Variants in SPOP observed in about 807,000 individuals in gnomAD.
The protein encoded by SPOP is speckle type BTB/POZ protein.
Under a neutral mutation model 45.6 loss-of-function variants are expected in SPOP, and 11 were observed. The ratio of observed to expected loss-of-function variants is 0.24; its 90% confidence interval spans 0.15 to 0.40. The LOEUF (loss-of-function observed/expected upper bound fraction) is 0.40. Ranked by LOEUF, SPOP falls within the 10% of genes least tolerant of loss-of-function variation. The probability of loss-of-function intolerance (pLI) is 1.00; values close to 1 mark genes in which losing one functional copy is unlikely to be tolerated. For synonymous variants in SPOP, 166 were observed against 166.3 expected (o/e 1.00, Z 0.01); for missense variants, 152 against 465.6 (o/e 0.33, Z 6.20).
chr17:49,658,511 A>G lies in SPOP; in HGVS notation c.-67+19422T>C, dbSNP rs77887417. On this transcript the variant is annotated intron_variant, in intron 1 of 9. Coordinates refer to ENST00000504102, the MANE Select transcript of SPOP (RefSeq NM_001007228.2). ...CTAATGAGAAGTAATTCCTAACAAT[A>G]TGTCAAAGTGGACTGCAAGGAACTT... 3.2e-3 allele frequency among the ~76,000 whole-genome samples: 491 copies of G among 152,310 alleles called. 1 individual carries two copies. Among genetic ancestry groups the G allele is most frequent in the African/African-American group, 0.011 (471 of 41,578 alleles).
chr17:49,604,917 T>C (rs2143133891), intron 8 of SPOP, among the ~76,000 whole-genome samples: 1 of 152,346 alleles, frequency 6.6e-6, no homozygotes, highest in Non-Finnish European at 1.5e-5. Context: ...ATTGGAGAAA[T>C]GCTGTCTATC....
intron 1 of SPOP, among the ~76,000 whole-genome samples, chr17:49,665,886 A>C (rs537831346): frequency 6.6e-6 from 1 of 151,222 alleles, no homozygotes; most frequent in East Asian, 2.0e-4. Context: ...CAGGAGGCTG[A>C]GGCAGGAGAA....
chr17:49,655,561 A>G (rs939995737), intron 1 of SPOP, among the ~76,000 whole-genome samples: 4 of 152,164 alleles, frequency 2.6e-5, no homozygotes, highest in African/African-American at 9.6e-5. Context: ...GGAATGCATG[A>G]TGTAATTTTT....
intron 6 of SPOP, among the ~76,000 whole-genome samples, chr17:49,609,378 C>G (rs1451227274): frequency 6.6e-6 from 1 of 152,142 alleles, no homozygotes; most frequent in Non-Finnish European, 1.5e-5. Context: ...AGACTAAAGG[C>G]CCGGTGCTTT....
At chr17:49,604,077 T>C (rs1454395186) in intron 8 of SPOP, among the ~76,000 whole-genome samples, 3 of 152,222 alleles carry the variant, frequency 2.0e-5, no homozygotes, top group Non-Finnish European at 4.4e-5. Flanking sequence ...TTATGGAATC[T>C]AGAAGATGAG....
intron 1 of SPOP, among the ~76,000 whole-genome samples, chr17:49,664,334 A>T (rs1048442187): frequency 1.3e-5 from 2 of 152,226 alleles, no homozygotes; most frequent in Non-Finnish European, 2.9e-5. Context: ...GCAGATATGA[A>T]AATCTAGCTG....
intron 8 of SPOP, among the ~76,000 whole-genome samples, chr17:49,605,936 C>A (rs1475767451): frequency 1.3e-5 from 2 of 150,792 alleles, no homozygotes; most frequent in African/African-American, 4.9e-5. Flanking sequence ...TGCAGTGAGC[C>A]GAGATCGTGC....
rs60764900 is a variant in SPOP, at chr17:49,599,518, G to T, written c.*860C>A. The T allele has an allele frequency of 0.097, 13,106 of 135,762 alleles. 986 individuals carry two copies. The highest frequency in any genetic ancestry group is 0.26 in the African/African-American group (8,587 of 32,814). 8.4% of individuals were successfully genotyped at this position (135,762 alleles called of 1,614,324 possible). A position where few individuals can be genotyped will look rare whatever the true frequency, so the allele number is the denominator to read the frequency against. ...TTTTGTTTTGTGTGTTTTTTTTTTT[G>T]TTTGTTTTTTAGAAAAAGGGGTGGG... On this transcript the variant is annotated 3_prime_UTR_variant, in exon 10 of 10. Coordinates refer to ENST00000504102, the MANE Select transcript of SPOP (RefSeq NM_001007228.2).
At chr17:49,637,397 C>A (rs2072560874) in intron 1 of SPOP, among the ~76,000 whole-genome samples, 1 of 152,110 alleles carries the variant, frequency 6.6e-6, no homozygotes. Context: ...GTTAGCCAGG[C>A]TGGAGTGCAG....
At chr17:49,651,846 C>T (rs2072846423) in intron 1 of SPOP, among the ~76,000 whole-genome samples, 1 of 152,062 alleles carries the variant, frequency 6.6e-6, no homozygotes, top group Admixed American at 6.5e-5. Context: ...TGGTGAAACC[C>T]TGTCTCCACT....
intron 6 of SPOP, among the ~76,000 whole-genome samples, chr17:49,610,873 G>A (rs572261959): frequency 6.6e-6 from 1 of 152,292 alleles, no homozygotes; most frequent in South Asian, 2.1e-4. Flanking sequence ...ATTGAAAAGA[G>A]GGCTAACCCC....
intron 1 of SPOP, among the ~76,000 whole-genome samples, chr17:49,649,574 T>C (rs1346330044): frequency 6.6e-6 from 1 of 151,582 alleles, no homozygotes; most frequent in African/African-American, 2.4e-5. Context: ...GGCTCACGCC[T>C]GTAATCCCAG....
intron 1 of SPOP, among the ~76,000 whole-genome samples, chr17:49,655,505 C>T (rs962657680): frequency 1.3e-5 from 2 of 150,418 alleles, no homozygotes; most frequent in African/African-American, 4.9e-5. Context: ...AGCGAGACTC[C>T]GTCTCCAAAA....
intron 1 of SPOP, chr17:49,636,433 T>C (rs1219531335): frequency 6.6e-6 from 1 of 152,240 alleles, no homozygotes; most frequent in Non-Finnish European, 1.5e-5. Context: ...TCTTATCCTA[T>C]ATCTAGAAAT....
At chr17:49,652,450 G>A (rs1267643941) in intron 1 of SPOP, among the ~76,000 whole-genome samples, 1 of 152,168 alleles carries the variant, frequency 6.6e-6, no homozygotes, top group Non-Finnish European at 1.5e-5. Flanking sequence ...CATTACCAAT[G>A]TCTTTGTGTG....
intron 1 of SPOP, among the ~76,000 whole-genome samples, chr17:49,631,620 C>G (rs986337384): frequency 6.6e-6 from 1 of 152,222 alleles, no homozygotes; most frequent in Non-Finnish European, 1.5e-5. Flanking sequence ...CCATTGCTAT[C>G]TGAGTAAAAT....
At chr17:49,639,771 A>C (rs2072611633) in intron 1 of SPOP, among the ~76,000 whole-genome samples, 1 of 152,206 alleles carries the variant, frequency 6.6e-6, no homozygotes, top group Non-Finnish European at 1.5e-5. Flanking sequence ...CACATGTCAG[A>C]AGAGTGGTTA....
At chr17:49,618,868 A>T in intron 5 of SPOP, 113 bp downstream of exon 5, 1 of 1,267,726 alleles carries the variant, frequency 7.9e-7, no homozygotes, top group Non-Finnish European at 1.1e-6. Context: ...TTTGTGCAGC[A>T]CTACTCCACT....
chr17:49,618,225 G>A (rs1227615431), intron 5 of SPOP, among the ~76,000 whole-genome samples: 1 of 152,194 alleles, frequency 6.6e-6, no homozygotes, highest in East Asian at 1.9e-4. Flanking sequence ...CAGTTGACTG[G>A]AGATTTTATT....
Sources: gnomAD v4.1 joint callset for allele counts (sites outside exome capture counted in the v4.1 genomes callset) on GRCh38, gnomAD v4.1.1 for gene constraint, MANE v1.5 for transcripts, NCBI Gene and HGNC (gene_info 2026-07-23, HGNC 2026-07-21) for gene names.